MLLT3: variants seen among roughly 807,000 people sequenced by gnomAD.
MLLT3 encodes the protein protein AF-9.
A neutral mutation model predicts 53.2 loss-of-function variants in MLLT3; 4 were observed. That is an observed-to-expected ratio of 0.08 (90% CI 0.04 to 0.17). The LOEUF (loss-of-function observed/expected upper bound fraction) is 0.17, where lower values mean the gene tolerates loss of function less well. MLLT3 is among the 10% of genes least tolerant of loss of function. The pLI is 1.00. For synonymous variants in MLLT3, 283 were observed against 230.6 expected (o/e 1.23, Z -2.06); for missense variants, 569 against 684.0 (o/e 0.83, Z 1.87).
At chr9:20,498,868 A>G (rs1316046806) in intron 2 of MLLT3, among the ~76,000 whole-genome samples, 1 of 152,234 alleles carries the variant, frequency 6.6e-6, no homozygotes, top group Non-Finnish European at 1.5e-5. Flanking sequence ...TTTAAGCACT[A>G]AAGCATACTG....
chr9:20,392,755 G>C (rs1822219581), intron 5 of MLLT3, among the ~76,000 whole-genome samples: 1 of 152,136 alleles, frequency 6.6e-6, no homozygotes, highest in Non-Finnish European at 1.5e-5. Flanking sequence ...GCAAAGCCCT[G>C]TAACCCTCTG....
chr9:20,499,505 C>T (rs897897811), intron 2 of MLLT3, among the ~76,000 whole-genome samples: 1 of 152,188 alleles, frequency 6.6e-6, no homozygotes, highest in Non-Finnish European at 1.5e-5. Flanking sequence ...AAAACACACA[C>T]TGAACAATAA....
At position 20,362,746 on chromosome 9, in the gene MLLT3, A is replaced by G. The variant is rs73648205; in HGVS notation, c.1331+730T>C. 7.2e-3 allele frequency: 835 copies of G among 116,316 alleles called. 13 individuals carry two copies. Among genetic ancestry groups the G allele is most frequent in the African/African-American group, 0.03 (805 of 26,792 alleles). The allele number at this position is 116,316 out of a possible 1,614,324, so 7.2% of individuals were successfully genotyped here. ...TTTTTTTTGAATCTTAGGGTCTTCT[A>G]CATAGTAATGGATAACAGGGAAAGA... On this transcript the variant is annotated intron_variant, in intron 7 of 10. Coordinates refer to ENST00000380338, the MANE Select transcript of MLLT3 (RefSeq NM_004529.4).
At chr9:20,352,892 G>A (rs1214205863) in intron 10 of MLLT3, among the ~76,000 whole-genome samples, 2 of 151,934 alleles carry the variant, frequency 1.3e-5, no homozygotes, top group Admixed American at 1.3e-4. Context: ...ACCAATAGCT[G>A]CTGGTAGTGC....
At chr9:20,600,411 A>G (rs1390318911) in intron 2 of MLLT3, among the ~76,000 whole-genome samples, 1 of 152,214 alleles carries the variant, frequency 6.6e-6, no homozygotes. Context: ...TAAGTAATCA[A>G]TACTTTAGAA....
At chr9:20,499,151 T>G (rs1343991893) in intron 2 of MLLT3, among the ~76,000 whole-genome samples, 2 of 152,192 alleles carry the variant, frequency 1.3e-5, no homozygotes, top group African/African-American at 4.8e-5. Flanking sequence ...TTCCTGCCTC[T>G]GTATCTTCAT....
chr9:20,394,726 T>G (rs1822275399), intron 5 of MLLT3, among the ~76,000 whole-genome samples: 2 of 151,998 alleles, frequency 1.3e-5, no homozygotes, highest in African/African-American at 2.4e-5. Context: ...GTAACAAACA[T>G]GGAACGTATT....
chr9:20,372,789 C>T (rs1263939970), intron 5 of MLLT3, among the ~76,000 whole-genome samples: 2 of 151,870 alleles, frequency 1.3e-5, no homozygotes, highest in African/African-American at 2.4e-5. Context: ...AGCATCTGGG[C>T]GAGAACTTCT....
intron 2 of MLLT3, among the ~76,000 whole-genome samples, chr9:20,539,928 T>G (rs561193751): frequency 1.3e-5 from 2 of 152,326 alleles, no homozygotes; most frequent in South Asian, 4.1e-4. Context: ...AATTAGTTAC[T>G]TCCAAGATAC....
At chr9:20,549,960 C>A (rs1022850650) in intron 2 of MLLT3, among the ~76,000 whole-genome samples, 5 of 152,176 alleles carry the variant, frequency 3.3e-5, no homozygotes, top group Non-Finnish European at 7.3e-5. Context: ...GAATTTCATA[C>A]AACTGAATGT....
chr9:20,569,175 G>A (rs1819460301), intron 2 of MLLT3, among the ~76,000 whole-genome samples: 1 of 152,108 alleles, frequency 6.6e-6, no homozygotes. Context: ...GCCTCAATAA[G>A]ATCAACAACA....
chr9:20,540,607 G>T (rs953345243), intron 2 of MLLT3, among the ~76,000 whole-genome samples: 14 of 152,218 alleles, frequency 9.2e-5, no homozygotes, highest in African/African-American at 3.1e-4. Flanking sequence ...CTGGGACACA[G>T]GGTGCCATGT....
At chr9:20,394,803 G>C (rs953891950) in intron 5 of MLLT3, among the ~76,000 whole-genome samples, 17 of 152,064 alleles carry the variant, frequency 1.1e-4, no homozygotes, top group African/African-American at 1.4e-4. Context: ...GAGAAATAAG[G>C]CTTCCACAAA....
chr9:20,417,345 T>A (rs1822896552), intron 4 of MLLT3, among the ~76,000 whole-genome samples: 1 of 147,836 alleles, frequency 6.8e-6, no homozygotes, highest in Admixed American at 6.8e-5. Context: ...TATCTGATAT[T>A]TACATATATT....
chr9:20,444,400 T>A (rs545844444), intron 4 of MLLT3, among the ~76,000 whole-genome samples: 28 of 152,290 alleles, frequency 1.8e-4, no homozygotes, highest in Non-Finnish European at 2.6e-4. Flanking sequence ...CTCAAAAGTT[T>A]ACTGCTCACT....
In MLLT3 at chr9:20,345,639, G is replaced by T; in HGVS notation, c.*804C>A. On this transcript the variant is annotated 3_prime_UTR_variant, in exon 11 of 11. Transcript: ENST00000380338. ...TTTACAGGTACACTTTTGTTTAAAA[G>T]TCCTACAAGTTTATTGACTAAGGCT... 4.7e-6 allele frequency: 1 copy of T among 211,738 alleles called. No individual in the cohort carries two copies. The highest frequency in any genetic ancestry group is 9.6e-6 in the Non-Finnish European group (1 of 104,216). 13.1% of individuals were successfully genotyped at this position (211,738 alleles called of 1,614,324 possible). A position where few individuals can be genotyped will look rare whatever the true frequency, so the allele number is the denominator to read the frequency against.
At chr9:20,545,260 A>G (rs1046472210) in intron 2 of MLLT3, among the ~76,000 whole-genome samples, 3 of 152,190 alleles carry the variant, frequency 2.0e-5, no homozygotes, top group South Asian at 2.1e-4. Flanking sequence ...GTCATATACT[A>G]TAAGAGTGAA....
intron 2 of MLLT3, among the ~76,000 whole-genome samples, chr9:20,497,540 A>C (rs1051001198): frequency 2.0e-5 from 3 of 152,206 alleles, no homozygotes; most frequent in African/African-American, 7.2e-5. Context: ...ATGGAATCAT[A>C]CAATGTGTAT....
At chr9:20,526,233 T>C (rs1818199190) in intron 2 of MLLT3, among the ~76,000 whole-genome samples, 1 of 152,178 alleles carries the variant, frequency 6.6e-6, no homozygotes, top group Non-Finnish European at 1.5e-5. Flanking sequence ...AGTGCAATGA[T>C]AATAGGTATA....
Sources: allele counts gnomAD v4.1 joint callset (sites outside exome capture counted in the v4.1 genomes callset), GRCh38; gene constraint gnomAD v4.1.1; transcripts MANE v1.5; gene names NCBI Gene and HGNC (gene_info 2026-07-23, HGNC 2026-07-21).